Variants in KIAA1755 observed in about 807,000 individuals in gnomAD.
The protein encoded by KIAA1755 is uncharacterized protein KIAA1755.
In KIAA1755, 68 loss-of-function variants were observed where a neutral mutation model predicts 91.7. That is an observed-to-expected ratio of 0.74 (90% CI 0.61 to 0.91). The LOEUF (loss-of-function observed/expected upper bound fraction) is 0.91, where lower values mean the gene tolerates loss of function less well. Ranked by LOEUF, KIAA1755 falls within the 40% of genes least tolerant of loss-of-function variation. The pLI, the probability that KIAA1755 is intolerant of heterozygous loss-of-function variation, is 0.00. For synonymous variants in KIAA1755, 610 were observed against 604.6 expected (o/e 1.01, Z -0.13); for missense variants, 1,535 against 1,494.4 (o/e 1.03, Z -0.45).
chr20:38,210,528 A>T lies in KIAA1755; in HGVS notation c.*2514T>A, dbSNP rs2075439519. On this transcript the variant is annotated 3_prime_UTR_variant, in exon 14 of 14. Transcript: ENST00000279024. ...TTAGCTGTTATTATTCGATATTTTT[A>T]TACATTGTTACTCATTATGACATTT... is the stretch of plus-strand genomic sequence containing the variant. 6.6e-6 allele frequency: 1 copy of T among 152,274 alleles called. No individual in the cohort carries two copies. The highest frequency in any genetic ancestry group is 2.4e-5 in the African/African-American group (1 of 41,470). 9.4% of individuals were successfully genotyped at this position (152,274 alleles called of 1,614,324 possible). A position where few individuals can be genotyped will look rare whatever the true frequency, so the allele number is the denominator to read the frequency against.
chr20:38,221,546 G>A (rs2075659234), intron 10 of KIAA1755, among the ~76,000 whole-genome samples: 1 of 152,180 alleles, frequency 6.6e-6, no homozygotes, highest in African/African-American at 2.4e-5. Flanking sequence ...CCACATCCCA[G>A]CTATGTGACC....
At chr20:38,223,769 G>A (rs1038708828) in intron 8 of KIAA1755, 133 bp from the exon 9 acceptor site, 24 of 651,080 alleles carry the variant, frequency 3.7e-5, no homozygotes, top group South Asian at 3.0e-4. Flanking sequence ...AGCATCTGGA[G>A]AGCTGGTTAA....
At chr20:38,239,854 ATTGCGCTAAGCC>A (rs2076023436) in intron 3 of KIAA1755, 129 bp from the exon 4 acceptor site, 32 of 884,370 alleles carry the variant, frequency 3.6e-5, no homozygotes, top group Non-Finnish European at 5.7e-5. Flanking sequence ...TGTGCCAGGC[ATTGCGCTAAGCC>A]CCTTACTTCT....
At position 38,240,563 on chromosome 20, in the gene KIAA1755, G is replaced by A; in HGVS notation, c.1549+19C>T. The A allele has an allele frequency of 6.7e-7, 1 of 1,483,824 alleles. No individual in the cohort carries two copies. Among genetic ancestry groups the A allele is most frequent in the Non-Finnish European group, 9.0e-7 (1 of 1,116,468 alleles). The allele number at this position is 1,483,824 out of a possible 1,614,324, so 91.9% of individuals were successfully genotyped here. A position where few individuals can be genotyped will look rare whatever the true frequency, so the allele number is the denominator to read the frequency against. The stretch of plus-strand genomic sequence containing the variant: ...CAGACAATAACCTCCTTGTACAGCT[G>A]AGCATGTGGGCATCTTACCTTTCCC... On this transcript the variant is annotated intron_variant, in intron 3 of 13. Coordinates refer to ENST00000279024, the MANE Select transcript of KIAA1755 (RefSeq NM_001029864.2).
chr20:38,249,728 T>G (rs1600652215), intron 1 of KIAA1755, among the ~76,000 whole-genome samples: 1 of 150,768 alleles, frequency 6.6e-6, no homozygotes, highest in Admixed American at 6.6e-5. Context: ...TACACTGAGG[T>G]GGAGGGAGGG....
At chr20:38,229,027 ATCTGG>A (rs1414575643) in intron 5 of KIAA1755, among the ~76,000 whole-genome samples, 2 of 152,122 alleles carry the variant, frequency 1.3e-5, no homozygotes, top group Non-Finnish European at 2.9e-5. Context: ...CCCTCTAGCC[ATCTGG>A]CCAGTGGGTA....
chr20:38,251,530 T>C (rs540106355), intron 1 of KIAA1755, among the ~76,000 whole-genome samples: 2 of 152,092 alleles, frequency 1.3e-5, no homozygotes, highest in South Asian at 4.2e-4. Context: ...TATACTTCTA[T>C]TTCAATGTCT....
intron 4 of KIAA1755, among the ~76,000 whole-genome samples, chr20:38,232,523 G>T (rs981250182): frequency 6.6e-6 from 1 of 151,810 alleles, no homozygotes; most frequent in Non-Finnish European, 1.5e-5. Context: ...AGCTACTTGG[G>T]AGGCTGAGGC....
chr20:38,250,726 T>C, intron 1 of KIAA1755, among the ~76,000 whole-genome samples: 1 of 151,988 alleles, frequency 6.6e-6, no homozygotes, highest in Admixed American at 6.6e-5. Context: ...GGGATTGGTT[T>C]GACCAGGCAT....
chr20:38,243,290 T>C (rs2076100129), intron 2 of KIAA1755, among the ~76,000 whole-genome samples: 1 of 152,240 alleles, frequency 6.6e-6, no homozygotes, highest in Non-Finnish European at 1.5e-5. Flanking sequence ...TTATACCTTA[T>C]GTTGATAAAC....
chr20:38,237,169 C>G (rs62201489), intron 4 of KIAA1755, among the ~76,000 whole-genome samples: 147,142 of 147,558 alleles, frequency 1, 73,363 homozygotes, highest in Non-Finnish European at 1. Flanking sequence ...TGCTTACTCA[C>G]TCAGACCAGA....
chr20:38,228,510 A>G (rs1191124213), intron 5 of KIAA1755, among the ~76,000 whole-genome samples: 1 of 152,158 alleles, frequency 6.6e-6, no homozygotes, highest in Non-Finnish European at 1.5e-5. Flanking sequence ...CAACTAACCC[A>G]GGTACAGTAG....
chr20:38,232,851 C>G (rs1054779831), intron 4 of KIAA1755, among the ~76,000 whole-genome samples: 1 of 152,108 alleles, frequency 6.6e-6, no homozygotes, highest in African/African-American at 2.4e-5. Context: ...GGTGCAGTGG[C>G]TCATGCCTGT....
At chr20:38,247,058 C>T (rs1274949953) in intron 1 of KIAA1755, among the ~76,000 whole-genome samples, 2 of 152,146 alleles carry the variant, frequency 1.3e-5, no homozygotes, top group African/African-American at 2.4e-5. Context: ...AGTCAGAGTC[C>T]AGAAGAGGGA....
At chr20:38,255,993 C>T (rs2076333762) in intron 1 of KIAA1755, among the ~76,000 whole-genome samples, 1 of 152,150 alleles carries the variant, frequency 6.6e-6, no homozygotes, top group Non-Finnish European at 1.5e-5. Flanking sequence ...GTGTTAGGCC[C>T]CTGCTAAGCA....
intron 9 of KIAA1755, 145 bp from the exon 10 acceptor site, chr20:38,222,742 T>C (rs75953112): frequency 3.5e-6 from 3 of 859,696 alleles, no homozygotes; most frequent in Non-Finnish European, 5.6e-6. Flanking sequence ...CTCTAAAACA[T>C]CCCCTCTAGC....
At chr20:38,259,534 A>T (rs910460833) in intron 1 of KIAA1755, among the ~76,000 whole-genome samples, 14 of 106,380 alleles carry the variant, frequency 1.3e-4, no homozygotes, top group South Asian at 7.8e-4. Flanking sequence ...TGTGTGTGAG[A>T]GAGAGAGAGA....
intron 1 of KIAA1755, among the ~76,000 whole-genome samples, chr20:38,250,302 C>T (rs1364354489): frequency 6.6e-6 from 1 of 152,080 alleles, no homozygotes; most frequent in Admixed American, 6.5e-5. Context: ...CTCGTTGTGC[C>T]TCAGTTTCCT....
At chr20:38,227,114 CA>C (rs761547967) in intron 7 of KIAA1755, 39 bp downstream of exon 7, 3 of 1,519,264 alleles carry the variant, frequency 2.0e-6, no homozygotes, top group East Asian at 4.5e-5. Context: ...TCGAGCCCAA[CA>C]ACTCCCTTCC....
Sources: gnomAD v4.1 joint callset for allele counts (sites outside exome capture counted in the v4.1 genomes callset) on GRCh38, gnomAD v4.1.1 for gene constraint, MANE v1.5 for transcripts, NCBI Gene and HGNC (gene_info 2026-07-23, HGNC 2026-07-21) for gene names.